The following RNF150 variants were observed in gnomAD, a reference collection of about 807,000 sequenced individuals.
RNF150 encodes ring finger protein 150.
In RNF150, 24 loss-of-function variants were observed where a neutral mutation model predicts 39.3. The ratio of observed to expected loss-of-function variants is 0.61; its 90% CI spans 0.44 to 0.86. The LOEUF (loss-of-function observed/expected upper bound fraction) is 0.86. Among genes scored for constraint, RNF150 ranks in the 40% least tolerant of loss-of-function variants. RNF150 has a pLI of 0.00. For synonymous variants in RNF150, 255 were observed against 227.3 expected, an observed-to-expected ratio of 1.12 and a Z score of -1.10; for missense variants, 502 against 587.8, an observed-to-expected ratio of 0.85 and a Z score of 1.51.
At chr4:141,040,798 G>A (rs775956848) in intron 1 of RNF150, among the ~76,000 whole-genome samples, 2 of 152,064 alleles carry the variant, frequency 1.3e-5, no homozygotes, top group African/African-American at 2.4e-5. Flanking sequence ...TGGTCAGTAG[G>A]TGGAAACATA....
intron 1 of RNF150, among the ~76,000 whole-genome samples, chr4:141,041,392 C>T (rs772795209): frequency 2.0e-5 from 3 of 151,964 alleles, no homozygotes; most frequent in Admixed American, 6.6e-5. Context: ...GAAGAGAATG[C>T]CATAGGATGG....
intron 1 of RNF150, among the ~76,000 whole-genome samples, chr4:140,970,826 A>G (rs1397111100): frequency 6.6e-6 from 1 of 152,110 alleles, no homozygotes; most frequent in East Asian, 1.9e-4. Flanking sequence ...GGGCCTGTTC[A>G]TCTGAGCTTC....
intron 4 of RNF150, among the ~76,000 whole-genome samples, chr4:140,939,410 T>A (rs1560977812): frequency 1.3e-5 from 2 of 152,164 alleles, no homozygotes; most frequent in South Asian, 4.1e-4. Context: ...GCTCTGGAAC[T>A]GATACAGAAA....
rs138129349 is a variant in RNF150, at chr4:141,000,087, G to GAGAAGA, written c.485-32220_485-32215dup. On this transcript the variant is annotated intron_variant, in intron 1 of 6. Coordinates refer to ENST00000515673, the MANE Select transcript of RNF150 (RefSeq NM_020724.2). The stretch of plus-strand genomic sequence containing the variant: ...GAAGAAGAAGAAGAAGAAGAAGAAG[G>GAGAAGA]AGAAGAAGAAGAAGAAGAAGAGGAG... Among the ~76,000 whole-genome samples the GAGAAGA allele has an allele frequency of 2.2e-3, 78 of 35,926 alleles. 8 individuals are homozygous for GAGAAGA. Among genetic ancestry groups the GAGAAGA allele is most frequent in the Non-Finnish European group, 2.7e-3 (50 of 18,724 alleles). 23.6% of individuals were successfully genotyped at this position (35,926 alleles called of 152,430 possible).
chr4:141,057,273 A>G (rs1002161713), intron 1 of RNF150, among the ~76,000 whole-genome samples: 14 of 151,872 alleles, frequency 9.2e-5, no homozygotes, highest in Non-Finnish European at 2.9e-5. Flanking sequence ...GTAATAGGTT[A>G]TATCTAAATT....
intron 5 of RNF150, among the ~76,000 whole-genome samples, chr4:140,919,694 T>G (rs1560967058): frequency 6.6e-6 from 1 of 151,334 alleles, no homozygotes; most frequent in South Asian, 2.1e-4. Flanking sequence ...TACCTTAAAG[T>G]TCATATGGAA....
intron 6 of RNF150, among the ~76,000 whole-genome samples, chr4:140,883,164 C>T (rs1729437427): frequency 2.0e-5 from 3 of 152,060 alleles, no homozygotes; most frequent in Admixed American, 2.0e-4. Context: ...AAACTCTACT[C>T]TTATATATTC....
intron 4 of RNF150, among the ~76,000 whole-genome samples, chr4:140,934,041 G>A (rs1391642385): frequency 2.6e-5 from 4 of 152,098 alleles, no homozygotes; most frequent in South Asian, 2.1e-4. Flanking sequence ...ACAGAGTCTC[G>A]TTCTATTGCC....
chr4:141,170,851 A>G (rs2111171756), intron 1 of RNF150, among the ~76,000 whole-genome samples: 1 of 152,302 alleles, frequency 6.6e-6, no homozygotes, highest in African/African-American at 2.4e-5. Context: ...TGTGGTGTCA[A>G]AAGGACAGCA....
At chr4:140,972,589 C>T (rs945968103) in intron 1 of RNF150, among the ~76,000 whole-genome samples, 1 of 152,092 alleles carries the variant, frequency 6.6e-6, no homozygotes, top group African/African-American at 2.4e-5. Context: ...AAAAGGCTCC[C>T]CTGCAGCTGG....
intron 6 of RNF150, among the ~76,000 whole-genome samples, chr4:140,893,548 C>CCTGTCTTTCCAACTCCACCTTATTGGAG (rs1729833272): frequency 2.0e-5 from 3 of 152,280 alleles, no homozygotes; most frequent in African/African-American, 7.2e-5. Flanking sequence ...GAATCTCATT[C>CCTGTCTTTCCAACTCCACCTTATTGGAG]CTGCTCTTTC....
At chr4:141,014,730 G>T (rs1735202250) in intron 1 of RNF150, among the ~76,000 whole-genome samples, 1 of 152,090 alleles carries the variant, frequency 6.6e-6, no homozygotes, top group African/African-American at 2.4e-5. Context: ...ATATCTTCTG[G>T]ATATTAGCCC....
chr4:140,898,278 C>CTT (rs1242472879), intron 6 of RNF150, among the ~76,000 whole-genome samples: 5 of 36,126 alleles, frequency 1.4e-4, no homozygotes, highest in Non-Finnish European at 3.9e-4. Context: ...ATGATGCACA[C>CTT]ATTTTTTTTT....
At chr4:141,043,140 G>GT (rs1473785140) in intron 1 of RNF150, among the ~76,000 whole-genome samples, 1 of 152,102 alleles carries the variant, frequency 6.6e-6, no homozygotes, top group African/African-American at 2.4e-5. Context: ...CTTTTGGGTA[G>GT]TAAGTCTACA....
chr4:141,109,199 A>G (rs1739309219), intron 1 of RNF150, among the ~76,000 whole-genome samples: 1 of 152,142 alleles, frequency 6.6e-6, no homozygotes, highest in African/African-American at 2.4e-5. Context: ...CAATATCATT[A>G]CTATAATCTC....
intron 6 of RNF150, among the ~76,000 whole-genome samples, chr4:140,899,513 T>A (rs1322076596): frequency 6.6e-6 from 1 of 152,056 alleles, no homozygotes; most frequent in Non-Finnish European, 1.5e-5. Context: ...TCATTCTGGG[T>A]GATGAGCCAA....
rs1023979744 is a variant in RNF150, at chr4:140,920,997, T to C, written c.987+4980A>G. Among the ~76,000 whole-genome samples the C allele has an allele frequency of 8.6e-5, 13 of 151,296 alleles. No individual in the cohort carries two copies. In the South Asian group the frequency reaches 1.9e-3, roughly 22 times the overall value. On this transcript the variant is annotated intron_variant, in intron 5 of 6. Coordinates refer to ENST00000515673, the MANE Select transcript of RNF150 (RefSeq NM_020724.2). ...GTGGGAATTGAACACTGAGAATACA[T>C]GGACACAGGAAGGGGAACATCACAC...
At chr4:141,115,766 A>T (rs968162269) in intron 1 of RNF150, among the ~76,000 whole-genome samples, 1 of 152,206 alleles carries the variant, frequency 6.6e-6, no homozygotes, top group African/African-American at 2.4e-5. Flanking sequence ...AGTAACCAAA[A>T]CAGCATGGTA....
intron 6 of RNF150, among the ~76,000 whole-genome samples, chr4:140,871,788 G>C (rs1728956797): frequency 6.6e-6 from 1 of 152,192 alleles, no homozygotes; most frequent in Admixed American, 6.5e-5. Context: ...TTCACACCTT[G>C]GTTTTTTCTA....
Sources: allele counts gnomAD v4.1 joint callset (sites outside exome capture counted in the v4.1 genomes callset), GRCh38; gene constraint gnomAD v4.1.1; transcripts MANE v1.5; gene names NCBI Gene and HGNC (gene_info 2026-07-23, HGNC 2026-07-21).